The following CSMD1 variants were observed in gnomAD, a reference collection of about 807,000 sequenced individuals.
CSMD1 encodes CUB and sushi domain-containing protein 1.
Under a neutral mutation model 417.5 loss-of-function variants are expected in CSMD1, and 213 were observed. The observed-to-expected ratio is 0.51, with a 90% CI of 0.46 to 0.57. The LOEUF (loss-of-function observed/expected upper bound fraction) is 0.57. Ranked by LOEUF, CSMD1 falls within the 20% of genes least tolerant of loss-of-function variation. CSMD1 has a pLI of 0.00. For synonymous variants in CSMD1, 2,862 were observed against 1,736.8 expected (o/e 1.65, Z -16.11); for missense variants, 6,923 against 4,529.7 (o/e 1.53, Z -15.17).
At chr8:4,006,962 G>C (rs1039930451) in intron 4 of CSMD1, among the ~76,000 whole-genome samples, 2 of 151,194 alleles carry the variant, frequency 1.3e-5, no homozygotes, top group Admixed American at 6.6e-5. Context: ...CGAGTAGCTG[G>C]GACTACAGGC....
chr8:3,110,244 C>A lies in CSMD1; in HGVS notation c.6522G>T (p.Trp2174Cys). 6.2e-7 allele frequency: 1 copy of A among 1,613,320 alleles called. No homozygotes were observed. The highest frequency in any genetic ancestry group is 8.5e-7 in the Non-Finnish European group (1 of 1,179,636). Reference protein sequence around the residue: ...DEYPILKDCIWLITVPPGHGV... With the variant: ...DEYPILKDCICLITVPPGHGV... ...CGTGCCCTGGAGGCACCGTGATGAG[C>A]CAAATGCAGTCCTTCAGGATCGGAT... Residue 2174 changes from tryptophan to cysteine, a missense_variant, in exon 43 of 70, where the codon TGG becomes TGT. By Grantham distance (215) the Trp-to-Cys change is radical (BLOSUM62 -2). Coordinates refer to ENST00000635120, the MANE Select transcript of CSMD1 (RefSeq NM_033225.6).
At chr8:4,475,356 A>C (rs1248200260) in intron 2 of CSMD1, among the ~76,000 whole-genome samples, 1 of 152,174 alleles carries the variant, frequency 6.6e-6, no homozygotes, top group Non-Finnish European at 1.5e-5. Flanking sequence ...TATATTAATA[A>C]AGAGTTAATG....
chr8:3,310,012 C>A lies in CSMD1; in HGVS notation c.3632-1509G>T, dbSNP rs1489669746. ...TAACCCTGATCTATTTAAGAGACAC[C>A]AATAATTTTAATTCAGATGCCTGGA... On this transcript the variant is annotated intron_variant, in intron 23 of 69. Transcript: ENST00000635120. Among the ~76,000 whole-genome samples the A allele has an allele frequency of 2.0e-5, 3 of 152,028 alleles. No homozygotes were observed. The South Asian group carries it at 6.2e-4, about 32-fold the overall frequency.
chr8:4,519,520 A>C (rs1276617301), intron 2 of CSMD1, among the ~76,000 whole-genome samples: 1 of 151,798 alleles, frequency 6.6e-6, no homozygotes, highest in Admixed American at 6.6e-5. Flanking sequence ...AGGGTGGATC[A>C]TCTGAGGTCA....
At chr8:3,480,879 G>A (rs1191324359) in intron 11 of CSMD1, among the ~76,000 whole-genome samples, 2 of 151,966 alleles carry the variant, frequency 1.3e-5, no homozygotes, top group Non-Finnish European at 2.9e-5. Flanking sequence ...GTGGTAGGCT[G>A]GGGGCAATGG....
intron 10 of CSMD1, among the ~76,000 whole-genome samples, chr8:3,508,878 G>C (rs916967945): frequency 3.3e-5 from 5 of 152,152 alleles, no homozygotes; most frequent in African/African-American, 9.7e-5. Context: ...TGACCAGTTA[G>C]AGCCATGAGA....
At position 4,085,815 on chromosome 8, in the gene CSMD1, C is replaced by CTGAT. The variant is rs1178934125; in HGVS notation, c.416-53720_416-53717dup. On this transcript the variant is annotated intron_variant, in intron 3 of 69. Transcript: ENST00000635120. ...TATCATAAAGACACCATGAAGCTTC[C>CTGAT]TGATAGCCAGATAAAAGTTCTGTGT... Among the ~76,000 whole-genome samples the CTGAT allele has an allele frequency of 3.6e-4, 55 of 152,236 alleles. No individual in the cohort carries two copies. The Middle Eastern group carries it at 0.01, about 28-fold the overall frequency.
At chr8:3,122,028 CA>C (rs1016464181) in intron 41 of CSMD1, among the ~76,000 whole-genome samples, 3 of 151,896 alleles carry the variant, frequency 2.0e-5, no homozygotes, top group Non-Finnish European at 4.4e-5. Context: ...CTTTCAATGG[CA>C]AAAACCTCAA....
chr8:4,471,015 T>G (rs1463349278), intron 2 of CSMD1, among the ~76,000 whole-genome samples: 1 of 152,220 alleles, frequency 6.6e-6, no homozygotes, highest in Non-Finnish European at 1.5e-5. Flanking sequence ...TGTACGAGGA[T>G]TCTATGAAAT....
At chr8:3,693,254 C>A (rs1800353819) in intron 7 of CSMD1, among the ~76,000 whole-genome samples, 1 of 151,970 alleles carries the variant, frequency 6.6e-6, no homozygotes, top group South Asian at 2.1e-4. Flanking sequence ...GGGTATATAA[C>A]CAAGTAGGAT....
At chr8:3,503,712 G>T (rs544601605) in intron 10 of CSMD1, among the ~76,000 whole-genome samples, 208 of 152,284 alleles carry the variant, frequency 1.4e-3, no homozygotes, top group Non-Finnish European at 2.4e-3. Context: ...CCCATCCACT[G>T]GAAAGGATTC....
At chr8:3,088,593 A>G (rs182944332) in intron 48 of CSMD1, among the ~76,000 whole-genome samples, 41 of 152,108 alleles carry the variant, frequency 2.7e-4, no homozygotes, top group Middle Eastern at 3.4e-3. Context: ...GTCCTCAGAA[A>G]ATATTCTCAG....
At chr8:3,350,997 A>C (rs1404481348) in intron 21 of CSMD1, among the ~76,000 whole-genome samples, 7 of 152,250 alleles carry the variant, frequency 4.6e-5, no homozygotes, top group African/African-American at 7.2e-5. Flanking sequence ...GCCTTTTAGA[A>C]AAAATCAAGG....
intron 1 of CSMD1, among the ~76,000 whole-genome samples, chr8:4,894,566 A>AAG (rs1554513138): frequency 6.7e-5 from 10 of 150,128 alleles, no homozygotes; most frequent in Admixed American, 3.3e-4. Context: ...AAAGAAAAAA[A>AAG]AAAAAAAAAG....
intron 8 of CSMD1, among the ~76,000 whole-genome samples, chr8:3,603,568 T>G (rs554222598): frequency 6.6e-6 from 1 of 152,178 alleles, no homozygotes; most frequent in African/African-American, 2.4e-5. Context: ...ATGTTTGAGT[T>G]TCAAAAAATA....
At chr8:3,915,737 C>G (rs1461958720) in intron 5 of CSMD1, among the ~76,000 whole-genome samples, 1 of 150,396 alleles carries the variant, frequency 6.6e-6, no homozygotes, top group African/African-American at 2.5e-5. Flanking sequence ...GCTAGCAGCT[C>G]AAATTATGAA....
intron 1 of CSMD1, among the ~76,000 whole-genome samples, chr8:4,686,181 T>C (rs1377087025): frequency 6.6e-6 from 1 of 152,256 alleles, no homozygotes; most frequent in Non-Finnish European, 1.5e-5. Flanking sequence ...GCAAGGAACG[T>C]ACCCTTCTTT....
chr8:4,435,927 T>G (rs953166083), intron 2 of CSMD1, among the ~76,000 whole-genome samples: 2 of 152,122 alleles, frequency 1.3e-5, no homozygotes, highest in African/African-American at 2.4e-5. Context: ...TAATTAGAAT[T>G]TTAACCAAAA....
At chr8:4,855,016 C>G (rs904162065) in intron 1 of CSMD1, among the ~76,000 whole-genome samples, 1 of 152,150 alleles carries the variant, frequency 6.6e-6, no homozygotes, top group Non-Finnish European at 1.5e-5. Context: ...ATGTCCCTGT[C>G]TGACAGGTTT....
Sources: allele counts gnomAD v4.1 joint callset (sites outside exome capture counted in the v4.1 genomes callset), GRCh38; gene constraint gnomAD v4.1.1; transcripts MANE v1.5; gene names NCBI Gene and HGNC (gene_info 2026-07-23, HGNC 2026-07-21).